The following SAMD9 variants were observed in gnomAD, a reference collection of about 807,000 sequenced individuals.
SAMD9 encodes the protein sterile alpha motif domain-containing protein 9.
A neutral mutation model predicts 1.5 loss-of-function variants in SAMD9; 3 were observed. The ratio of observed to expected loss-of-function variants is 2.05; its 90% CI spans 0.93 to 5.29. The LOEUF (loss-of-function observed/expected upper bound fraction) is 5.29. Ranked by LOEUF, SAMD9 falls within the 30% of genes most tolerant of loss-of-function variation. The probability of loss-of-function intolerance (pLI) is 0.02; values close to 1 mark genes in which losing one functional copy is unlikely to be tolerated. For missense variants in SAMD9, 1,597 were observed against 1,820.8 expected (o/e 0.88, Z 2.24); for synonymous variants, 635 against 631.9 (o/e 1.00, Z -0.07).
chr7:93,110,330 C>T (rs1025441504), intron 2 of SAMD9, among the ~76,000 whole-genome samples: 1 of 152,164 alleles, frequency 6.6e-6, no homozygotes, highest in Non-Finnish European at 1.5e-5. Flanking sequence ...AAAGGAAAAT[C>T]CGGTACCAGC....
In SAMD9 at chr7:93,105,205, G is replaced by A. The variant is rs200135790; in HGVS notation, c.893C>T (p.Thr298Ile). ...TTCAATAACAAATCTGTCAGATAGA[G>A]TACTATTTGGCAGTAAAACTTCCAC... ...RFVEVLLPNS[T>I]LSDRFVIEVD... Residue 298 changes from threonine to isoleucine, a missense_variant, in exon 3 of 3, where the codon ACT becomes ATT. Coordinates refer to ENST00000379958, the MANE Select transcript of SAMD9 (RefSeq NM_017654.4). 12 of 1,613,766 alleles carry A rather than the reference G, an allele frequency of 7.4e-6. No individual in the cohort carries two copies. The East Asian group carries it at 2.2e-4, about 30-fold the overall frequency.
chr7:93,106,127 T>A, intron 2 of SAMD9, 22 bp from the exon 3 acceptor site: 2 of 1,465,258 alleles, frequency 1.4e-6, no homozygotes, highest in Non-Finnish European at 1.8e-6. Context: ...AAAAGAAAAA[T>A]TATTTAGTAT....
At chr7:93,110,567 T>A (rs1319735596) in intron 2 of SAMD9, among the ~76,000 whole-genome samples, 1 of 152,128 alleles carries the variant, frequency 6.6e-6, no homozygotes, top group Non-Finnish European at 1.5e-5. Context: ...ACCCATCTCA[T>A]GTGCAGAGAC....
At position 93,103,079 on chromosome 7, in the gene SAMD9, T is replaced by C; in HGVS notation, c.3019A>G (p.Ile1007Val). 6.2e-7 allele frequency: 1 copy of C among 1,613,854 alleles called. No homozygotes were observed. Among genetic ancestry groups the C allele is most frequent in the Non-Finnish European group, 8.5e-7 (1 of 1,179,780 alleles). ...TTCTCAGTTAGCATATCCAACATAA[T>C]TTGACTTTTATTCAGGTGATAGCTT... ...KKSYHLNKSQ[I>V]MLDMLTENLF... Residue 1007 changes from isoleucine (I) to valine (V), a missense_variant, in exon 3 of 3, where the codon ATT (isoleucine) becomes GTT (valine). By Grantham distance (29) the Ile-to-Val change is conservative. Coordinates refer to ENST00000379958, the MANE Select transcript of SAMD9 (RefSeq NM_017654.4).
intron 2 of SAMD9, among the ~76,000 whole-genome samples, chr7:93,112,358 G>C (rs1167234732): frequency 6.6e-6 from 1 of 152,126 alleles, no homozygotes; most frequent in Non-Finnish European, 1.5e-5. Flanking sequence ...CATACTGAAT[G>C]GGCAAAAACT....
chr7:93,115,238 G>T (rs556470391), intron 1 of SAMD9, among the ~76,000 whole-genome samples: 1 of 152,312 alleles, frequency 6.6e-6, no homozygotes, highest in Non-Finnish European at 1.5e-5. Flanking sequence ...GCCAAATGTT[G>T]GTGATGATGT....
rs1791524414 is a variant in SAMD9 at position 93,101,366 on chromosome 7, T to C, written c.4732A>G (p.Ile1578Val). 2 of 1,613,318 alleles carry C rather than the reference T, an allele frequency of 1.2e-6. No individual in the cohort carries two copies. Among genetic ancestry groups the C allele is most frequent in the Admixed American group, 1.7e-5 (1 of 59,994 alleles). Reference sequence around the variant, plus strand: ...ATGTCATAAGCAAGTGGGCCTCCAATGGAAAATCCCAGGTAAAAAGACACC... The same window carrying C: ...ATGTCATAAGCAAGTGGGCCTCCAACGGAAAATCCCAGGTAAAAAGACACC... Reference protein sequence around the residue: ...EKVSFYLGFSIGGPLAYDIEI... With the variant: ...EKVSFYLGFSVGGPLAYDIEI... Residue 1578 changes from isoleucine to valine, a missense_variant, in exon 3 of 3, where the codon ATT becomes GTT. This residue lies in a region of SAMD9 where 682 missense variants were observed against 810.0 expected (regional missense o/e 0.84). Transcript: ENST00000379958.
Position 93,101,452 on chromosome 7 carries a change from A to AT in SAMD9, c.4645dup (p.Ile1549AsnfsTer14), listed in dbSNP as rs761819522. 7 of 1,613,572 alleles carry AT rather than the reference A, an allele frequency of 4.3e-6. No homozygotes were observed. The highest frequency in any genetic ancestry group is 4.5e-5 in the East Asian group (2 of 44,876). On this transcript the variant is annotated frameshift_variant, in exon 3 of 3. Transcript: ENST00000379958. LOFTEE classifies it high-confidence loss of function. ...AAAAGCGGGAGTGATGGGTATTGTG[A>AT]TTTTTTCATTGATTCCATATTCTAT...
In SAMD9 at chr7:93,102,870, A is replaced by T. The variant is rs776966331; in HGVS notation, c.3228T>A (p.His1076Gln). The part of the protein sequence containing the change: ...AVEAVLLESI[H>Q]RFNPNAFICQ... The stretch of plus-strand genomic sequence containing the variant: ...AAATGAATGCATTTGGGTTGAACCG[A>T]TGGATACTTTCAAGCAATACAGCTT... The change falls in exon 3 of 3, where the codon CAT (histidine) becomes CAA (glutamine). Residue 1076 changes from histidine to glutamine, a missense_variant. This residue lies in a region of SAMD9 where 682 missense variants were observed against 810.0 expected (regional missense o/e 0.84). Coordinates refer to ENST00000379958, the MANE Select transcript of SAMD9 (RefSeq NM_017654.4). The T allele has an allele frequency of 6.2e-7, 1 of 1,613,832 alleles. No individual in the cohort carries two copies.
At chr7:93,111,819 G>A (rs1161745410) in intron 2 of SAMD9, among the ~76,000 whole-genome samples, 1 of 152,120 alleles carries the variant, frequency 6.6e-6, no homozygotes, top group African/African-American at 2.4e-5. Context: ...ACAATTAATA[G>A]CCTACCAACC....
intron 2 of SAMD9, among the ~76,000 whole-genome samples, chr7:93,112,492 G>A (rs957936173): frequency 3.9e-5 from 6 of 152,138 alleles, no homozygotes; most frequent in South Asian, 2.1e-4. Flanking sequence ...AGAGTATTCA[G>A]TTAGGAAAAG....
intron 2 of SAMD9, among the ~76,000 whole-genome samples, chr7:93,109,741 A>T (rs901218249): frequency 6.6e-6 from 1 of 152,228 alleles, no homozygotes; most frequent in African/African-American, 2.4e-5. Flanking sequence ...ATGAAGCCAG[A>T]AGAGAAGTTT....
In SAMD9 at chr7:93,104,052, G is replaced by C; in HGVS notation, c.2046C>G (p.Asp682Glu). ...FLEFKASKEEDFYRGGKVSWW... is the reference protein window; with the variant it reads ...FLEFKASKEEEFYRGGKVSWW... ...ATGACACTTTGCCACCTCGATAGAAGTCTTCCTCTTTTGATGCCTTGAATT... is the reference window on the plus strand; with the variant it reads ...ATGACACTTTGCCACCTCGATAGAACTCTTCCTCTTTTGATGCCTTGAATT... The change falls in exon 3 of 3, where the codon GAC becomes GAG. Residue 682 changes from aspartate to glutamate, a missense_variant. Around this residue, in one of 6 missense-constraint regions of SAMD9, gnomAD observed 358 missense variants for 460.4 expected, o/e 0.78. Transcript: ENST00000379958. 6.2e-7 allele frequency: 1 copy of C among 1,613,980 alleles called. No homozygotes were observed. The highest frequency in any genetic ancestry group is 8.5e-7 in the Non-Finnish European group (1 of 1,179,866).
Position 93,105,344 on chromosome 7 carries a change from C to G in SAMD9, c.754G>C (p.Val252Leu). The G allele has an allele frequency of 6.2e-7, 1 of 1,613,956 alleles. No individual in the cohort carries two copies. The highest frequency in any genetic ancestry group is 1.1e-5 in the South Asian group (1 of 91,078). Reference protein sequence around the residue: ...KPHGKIVGIKVTNDTKEALIN... With the variant: ...KPHGKIVGIKLTNDTKEALIN... Reference sequence around the variant, plus strand: ...AGGGCTTCCTTGGTATCATTGGTGACTTTGATGCCAACAATTTTCCCATGG... The same window carrying G: ...AGGGCTTCCTTGGTATCATTGGTGAGTTTGATGCCAACAATTTTCCCATGG... The change falls in exon 3 of 3, where the codon GTC (valine) becomes CTC (leucine). Residue 252 changes from valine to leucine, a missense_variant. Val to Leu is a conservative substitution (Grantham distance 32). Around this residue, in one of 6 missense-constraint regions of SAMD9, gnomAD observed 498 missense variants for 457.4 expected, o/e 1.09. Coordinates refer to ENST00000379958, the MANE Select transcript of SAMD9 (RefSeq NM_017654.4).
rs143017757 is a variant in SAMD9 at position 93,105,102 on chromosome 7, T to A, written c.996A>T (p.Ile332=). The A allele has an allele frequency of 1.9e-6, 3 of 1,613,798 alleles. No homozygotes were observed. Among genetic ancestry groups the A allele is most frequent in the African/African-American group, 2.7e-5 (2 of 74,918 alleles). The change falls in exon 3 of 3, where the codon ATA becomes ATT. Residue 332 remains isoleucine (I), a synonymous_variant. Coordinates refer to ENST00000379958, the MANE Select transcript of SAMD9 (RefSeq NM_017654.4). The part of the protein sequence containing the change: ...QIKMQNYNNK[I]WEQSKKFSLF... ...GTGAGAATTTTTTACTTTGTTCCCATATTTTGTTGTTGTAATTTTGCATTT... is the reference window on the plus strand; with the variant it reads ...GTGAGAATTTTTTACTTTGTTCCCAAATTTTGTTGTTGTAATTTTGCATTT...
intron 2 of SAMD9, among the ~76,000 whole-genome samples, chr7:93,108,246 T>C (rs889761325): frequency 2.6e-5 from 4 of 152,180 alleles, no homozygotes; most frequent in African/African-American, 7.2e-5. Flanking sequence ...GGGGACTGCA[T>C]GTACCTTCAG....
chr7:93,109,526 T>A (rs914517694), intron 2 of SAMD9, among the ~76,000 whole-genome samples: 1 of 152,326 alleles, frequency 6.6e-6, no homozygotes, highest in Middle Eastern at 3.4e-3. Flanking sequence ...AAGGAGGATG[T>A]TTGAACCCAT....
chr7:93,109,676 C>T (rs1210189946), intron 2 of SAMD9, among the ~76,000 whole-genome samples: 1 of 152,140 alleles, frequency 6.6e-6, no homozygotes, highest in East Asian at 1.9e-4. Context: ...GCTTCAGTAG[C>T]TGATTCTATC....
intron 1 of SAMD9, among the ~76,000 whole-genome samples, chr7:93,115,602 G>A (rs774686365): frequency 1.3e-5 from 2 of 152,070 alleles, no homozygotes; most frequent in Non-Finnish European, 2.9e-5. Context: ...GCACAGATAA[G>A]TACATATTAA....
Sources: gnomAD v4.1 joint callset for allele counts (sites outside exome capture counted in the v4.1 genomes callset) on GRCh38, gnomAD v4.1.1 for gene constraint, gnomAD v4.1.1 regional missense constraint, MANE v1.5 for transcripts, NCBI Gene and HGNC (gene_info 2026-07-23, HGNC 2026-07-21) for gene names.